RHBDD1: variants seen among roughly 807,000 people sequenced by gnomAD.
RHBDD1 encodes the protein rhomboid domain containing 1, also known as rhomboid-related protein 4.
A neutral mutation model predicts 36.3 loss-of-function variants in RHBDD1; 38 were observed. The ratio of observed to expected loss-of-function variants is 1.05; its 90% confidence interval spans 0.81 to 1.37. The LOEUF is 1.37. Ranked by LOEUF, RHBDD1 falls within the 40% of genes most tolerant of loss-of-function variation. The pLI is 0.00. For missense variants in RHBDD1, 393 were observed against 377.6 expected, an observed-to-expected ratio of 1.04 and a Z score of -0.34; for synonymous variants, 151 against 136.5, an observed-to-expected ratio of 1.11 and a Z score of -0.74.
chr2:226,901,023 C>G (rs1421261367), intron 5 of RHBDD1, among the ~76,000 whole-genome samples: 1 of 152,128 alleles, frequency 6.6e-6, no homozygotes, highest in Non-Finnish European at 1.5e-5. Flanking sequence ...TCAACATCCC[C>G]CTATTTCTCC....
At chr2:226,895,231 G>T (rs1947003253) in intron 5 of RHBDD1, among the ~76,000 whole-genome samples, 1 of 152,240 alleles carries the variant, frequency 6.6e-6, no homozygotes, top group Non-Finnish European at 1.5e-5. Context: ...ATGAGCCAGG[G>T]TGAAGCCTGA....
chr2:226,906,697 C>G, intron 5 of RHBDD1, 96 bp from the exon 6 acceptor site: 1 of 1,598,830 alleles, frequency 6.3e-7, no homozygotes, highest in Non-Finnish European at 8.5e-7. Flanking sequence ...AGCCTGCAGA[C>G]TGTGACTATT....
At chr2:226,937,910 C>T (rs1424201486) in intron 8 of RHBDD1, among the ~76,000 whole-genome samples, 4 of 152,140 alleles carry the variant, frequency 2.6e-5, no homozygotes, top group African/African-American at 9.7e-5. Flanking sequence ...CATACACGTG[C>T]ATGTGTTTTT....
chr2:226,877,968 G>T (rs544148201), intron 5 of RHBDD1, among the ~76,000 whole-genome samples: 6 of 150,742 alleles, frequency 4.0e-5, no homozygotes, highest in East Asian at 1.9e-4. Flanking sequence ...TGTCAACATG[G>T]TTTTTCTTAA....
At chr2:226,905,832 C>T (rs544536929) in intron 5 of RHBDD1, among the ~76,000 whole-genome samples, 11 of 152,126 alleles carry the variant, frequency 7.2e-5, no homozygotes, top group East Asian at 3.9e-4. Context: ...GCATTACAAA[C>T]GGGAAGTGGG....
chr2:226,951,433 A>G (rs1221377802), intron 8 of RHBDD1, among the ~76,000 whole-genome samples: 1 of 152,196 alleles, frequency 6.6e-6, no homozygotes, highest in Non-Finnish European at 1.5e-5. Context: ...TTGAAGTGAA[A>G]TTAGAAAATT....
At chr2:226,982,135 G>C (rs1027813181) in intron 8 of RHBDD1, among the ~76,000 whole-genome samples, 1 of 152,232 alleles carries the variant, frequency 6.6e-6, no homozygotes, top group African/African-American at 2.4e-5. Context: ...GGCCTCACAT[G>C]TGGTAGGGTT....
At chr2:226,978,918 C>G (rs7576081) in intron 8 of RHBDD1, among the ~76,000 whole-genome samples, 65,545 of 151,866 alleles carry the variant, frequency 0.43, 14,221 homozygotes, top group South Asian at 0.52. Flanking sequence ...AAGACAGGAG[C>G]GAGTGTGGGG....
the RHBDD1 span, among the ~76,000 whole-genome samples, chr2:226,807,821 T>G: frequency 6.6e-6 from 1 of 152,160 alleles, no homozygotes; most frequent in Non-Finnish European, 1.5e-5. Context: ...CACTCTGGGC[T>G]GGGCGCTGTG....
At chr2:226,824,801 G>T in the RHBDD1 span, among the ~76,000 whole-genome samples, 1 of 152,114 alleles carries the variant, frequency 6.6e-6, no homozygotes, top group Non-Finnish European at 1.5e-5. Flanking sequence ...TGTATACATG[G>T]TATGTCTAAT....
At chr2:226,844,678 T>C (rs1240825908) in intron 3 of RHBDD1, among the ~76,000 whole-genome samples, 1 of 152,206 alleles carries the variant, frequency 6.6e-6, no homozygotes, top group Non-Finnish European at 1.5e-5. Flanking sequence ...CATGGGACGC[T>C]GGCATTGCTG....
chr2:226,856,946 T>A (rs1943387308), intron 3 of RHBDD1, among the ~76,000 whole-genome samples: 1 of 152,192 alleles, frequency 6.6e-6, no homozygotes, highest in African/African-American at 2.4e-5. Flanking sequence ...TACATTCTCT[T>A]TCCCTTCCAA....
chr2:226,963,553 T>C (rs1014062514), intron 8 of RHBDD1, among the ~76,000 whole-genome samples: 2 of 152,192 alleles, frequency 1.3e-5, no homozygotes, highest in African/African-American at 4.8e-5. Context: ...TGTCTTCCTT[T>C]CCAGTTCATT....
intron 5 of RHBDD1, among the ~76,000 whole-genome samples, chr2:226,878,475 A>G (rs1049126786): frequency 6.6e-6 from 1 of 152,228 alleles, no homozygotes; most frequent in African/African-American, 2.4e-5. Context: ...AGTGTTAAGT[A>G]TCACATTGCT....
chr2:226,822,633 CA>C, the RHBDD1 span, among the ~76,000 whole-genome samples: 1,210 of 71,640 alleles, frequency 0.017, 6 homozygotes, highest in South Asian at 0.026. Flanking sequence ...TATTTTGTCT[CA>C]AAAAAAAAAA....
upstream of RHBDD1, among the ~76,000 whole-genome samples, chr2:226,834,032 T>G (rs569647367): frequency 5.9e-5 from 9 of 152,344 alleles, no homozygotes; most frequent in African/African-American, 2.2e-4. Context: ...TCACTGATAT[T>G]TGAAACAGAA....
chr2:226,977,984 T>C (rs987801196), intron 8 of RHBDD1, among the ~76,000 whole-genome samples: 3 of 152,260 alleles, frequency 2.0e-5, no homozygotes, highest in African/African-American at 7.2e-5. Flanking sequence ...TTCTCTATAG[T>C]ATTTAAAGCT....
intron 7 of RHBDD1, among the ~76,000 whole-genome samples, chr2:226,913,599 C>T (rs180952261): frequency 4.6e-5 from 7 of 152,108 alleles, no homozygotes; most frequent in Admixed American, 4.6e-4. Flanking sequence ...TATCTCTTCT[C>T]TCTTGTTTTA....
chr2:226,952,372 A>G (rs1430535267), intron 8 of RHBDD1, among the ~76,000 whole-genome samples: 1 of 139,666 alleles, frequency 7.2e-6, no homozygotes, highest in Non-Finnish European at 1.5e-5. Flanking sequence ...ATCTCAGCCC[A>G]GTACAACTTC....
Sources: allele counts gnomAD v4.1 joint callset (sites outside exome capture counted in the v4.1 genomes callset), GRCh38; gene constraint gnomAD v4.1.1; transcripts MANE v1.5; gene names NCBI Gene and HGNC (gene_info 2026-07-23, HGNC 2026-07-21).